ZNG1A: variants seen among roughly 807,000 people sequenced by gnomAD.
ZNG1A encodes the protein zinc-regulated GTPase metalloprotein activator 1A.
chr9:160,280 C>T, the ZNG1A span: 1 of 427,058 alleles, frequency 2.3e-6, no homozygotes, highest in East Asian at 7.0e-5. Flanking sequence ...TTGTGATGGG[C>T]TGGCTCTGTG....
the ZNG1A span, among the ~76,000 whole-genome samples, chr9:143,460 T>C: frequency 9.4e-5 from 11 of 116,534 alleles, 2 homozygotes; most frequent in African/African-American, 3.8e-4. Context: ...ATTATCTCAA[T>C]AGATGCAGAA....
the ZNG1A span, chr9:146,405 T>C: frequency 8.5e-6 from 3 of 351,828 alleles, no homozygotes; most frequent in Admixed American, 5.1e-5. Flanking sequence ...TTCAAATACA[T>C]TTTTATAGCT....
the ZNG1A span, among the ~76,000 whole-genome samples, chr9:145,842 G>C: frequency 2.6e-5 from 4 of 151,856 alleles, no homozygotes; most frequent in Admixed American, 1.3e-4. Context: ...ATTAGACATA[G>C]TGTTTGGTGT....
the ZNG1A span, chr9:146,404 A>G: frequency 2.8e-6 from 1 of 356,034 alleles, no homozygotes; most frequent in South Asian, 4.8e-5. Flanking sequence ...TTTCAAATAC[A>G]TTTTTATAGC....
the ZNG1A span, among the ~76,000 whole-genome samples, chr9:156,700 C>T: frequency 8.0e-5 from 12 of 150,792 alleles, no homozygotes; most frequent in South Asian, 8.4e-4. Flanking sequence ...CATTTTTCTT[C>T]CCCATTTGCA....
At chr9:165,010 C>T in the ZNG1A span, among the ~76,000 whole-genome samples, 1 of 152,126 alleles carries the variant, frequency 6.6e-6, no homozygotes. Context: ...AATAGTTTTC[C>T]AATTTGACTC....
At chr9:160,109 G>C in the ZNG1A span, 2 of 454,516 alleles carry the variant, frequency 4.4e-6, no homozygotes, top group Non-Finnish European at 8.8e-6. Flanking sequence ...TCAGAATAGA[G>C]AGCTGTCATT....
At chr9:170,725 A>C in the ZNG1A span, among the ~76,000 whole-genome samples, 2 of 138,296 alleles carry the variant, frequency 1.4e-5, no homozygotes, top group African/African-American at 5.7e-5. Context: ...TTACTTTTCA[A>C]CTTTCTTCTT....
At chr9:172,929 T>G in the ZNG1A span, 1 of 299,078 alleles carries the variant, frequency 3.3e-6, no homozygotes, top group South Asian at 3.4e-5. Context: ...AGTCATTTAT[T>G]TTTTTTATAA....
chr9:156,730 C>T, the ZNG1A span, among the ~76,000 whole-genome samples: 1 of 149,930 alleles, frequency 6.7e-6, no homozygotes, highest in Non-Finnish European at 1.5e-5. Flanking sequence ...TACAAGTGAA[C>T]CTGTGGGGTT....
the ZNG1A span, among the ~76,000 whole-genome samples, chr9:145,744 T>G: frequency 1.3e-5 from 2 of 150,090 alleles, no homozygotes; most frequent in African/African-American, 5.0e-5. Context: ...AAATAAAAAA[T>G]AAAAAAATAA....
the ZNG1A span, among the ~76,000 whole-genome samples, chr9:142,755 G>T: frequency 2.1e-5 from 3 of 145,980 alleles, no homozygotes; most frequent in Non-Finnish European, 4.5e-5. Flanking sequence ...GAATCCAGGA[G>T]CTGGTTTTTT....
the ZNG1A span, among the ~76,000 whole-genome samples, chr9:137,552 T>C: frequency 6.6e-5 from 10 of 152,072 alleles, no homozygotes; most frequent in South Asian, 2.1e-4. Context: ...GAAACAGCAC[T>C]GATAGTCAAA....
chr9:176,718 A>G, the ZNG1A span, among the ~76,000 whole-genome samples: 2 of 152,106 alleles, frequency 1.3e-5, no homozygotes, highest in Non-Finnish European at 2.9e-5. Flanking sequence ...AACCAGTCCA[A>G]GCCTGAGACA....
At chr9:178,142 G>C in the ZNG1A span, among the ~76,000 whole-genome samples, 1 of 150,966 alleles carries the variant, frequency 6.6e-6, no homozygotes, top group Non-Finnish European at 1.5e-5. Flanking sequence ...AACTTCTAGT[G>C]TAAGTGCATA....
chr9:172,209 C>G, the ZNG1A span: 1 of 1,606,940 alleles, frequency 6.2e-7, no homozygotes, highest in Non-Finnish European at 8.5e-7. Flanking sequence ...AGTTAATTAC[C>G]TAAATATTTT....
At chr9:178,562 C>G in the ZNG1A span, among the ~76,000 whole-genome samples, 1 of 110,482 alleles carries the variant, frequency 9.1e-6, no homozygotes, top group Non-Finnish European at 2.3e-5. Flanking sequence ...CGTGTCTTAG[C>G]GTCAAAGCCT....
chr9:160,166 C>T, the ZNG1A span: 5 of 454,626 alleles, frequency 1.1e-5, no homozygotes, highest in Admixed American at 1.2e-4. Context: ...GAATATTTCA[C>T]ATCAATGGGT....
At chr9:143,129 G>C in the ZNG1A span, among the ~76,000 whole-genome samples, 1 of 145,994 alleles carries the variant, frequency 6.8e-6, no homozygotes. Context: ...GGAGGAACTG[G>C]TACCATTCCT....
Sources: allele counts gnomAD v4.1 joint callset (sites outside exome capture counted in the v4.1 genomes callset), GRCh38; gene constraint gnomAD v4.1.1; transcripts MANE v1.5; gene names NCBI Gene and HGNC (gene_info 2026-07-23, HGNC 2026-07-21).